Variants in FRK observed in about 807,000 individuals in gnomAD.
The protein encoded by FRK is fyn related Src family tyrosine kinase, also known as tyrosine-protein kinase FRK.
A neutral mutation model predicts 56.4 loss-of-function variants in FRK; 51 were observed. That is an observed-to-expected ratio of 0.90 (90% CI 0.72 to 1.14). The LOEUF is 1.14. Ranked by LOEUF, FRK falls within the 50% of genes most tolerant of loss-of-function variation. FRK has a pLI of 0.00. For synonymous variants in FRK, 245 were observed against 217.9 expected, an observed-to-expected ratio of 1.12 and a Z score of -1.10; for missense variants, 570 against 601.4, an observed-to-expected ratio of 0.95 and a Z score of 0.55.
the FRK span, among the ~76,000 whole-genome samples, chr6:116,096,137 C>G: frequency 6.6e-6 from 1 of 152,206 alleles, no homozygotes; most frequent in Non-Finnish European, 1.5e-5. Context: ...CAACTAACAA[C>G]TTCTACCGAG....
chr6:116,098,213 G>T, the FRK span, among the ~76,000 whole-genome samples: 2 of 146,900 alleles, frequency 1.4e-5, no homozygotes, highest in Admixed American at 1.4e-4. Context: ...CCAGGTTCAA[G>T]CGATCCTCCC....
At chr6:116,003,825 A>G (rs1312121221) in intron 2 of FRK, 52 bp downstream of exon 2, 2 of 1,593,974 alleles carry the variant, frequency 1.3e-6, no homozygotes, top group African/African-American at 2.7e-5. Context: ...CAGAAAGCTC[A>G]TGACTGCAGA....
the FRK span, among the ~76,000 whole-genome samples, chr6:116,097,081 G>C: frequency 6.6e-6 from 1 of 152,054 alleles, no homozygotes; most frequent in Non-Finnish European, 1.5e-5. Context: ...AGAAAATCAA[G>C]AGAGTAGAAA....
At chr6:115,986,624 C>G (rs1582682513) in intron 2 of FRK, among the ~76,000 whole-genome samples, 1 of 152,136 alleles carries the variant, frequency 6.6e-6, no homozygotes, top group East Asian at 1.9e-4. Flanking sequence ...AAGAGGTGAT[C>G]TCTTCAGTTC....
chr6:116,038,102 A>C (rs1776556758), intron 1 of FRK, among the ~76,000 whole-genome samples: 1 of 152,234 alleles, frequency 6.6e-6, no homozygotes, highest in Non-Finnish European at 1.5e-5. Context: ...CATGAGAGCC[A>C]CAGAAGCAAA....
intron 1 of FRK, among the ~76,000 whole-genome samples, chr6:116,047,556 T>C (rs1242090546): frequency 0.016 from 3 of 184 alleles, no homozygotes; most frequent in Non-Finnish European, 0.037. Flanking sequence ...TAATCCAGCT[T>C]CCGGATTCAA....
chr6:115,990,094 G>C (rs1253297336), intron 2 of FRK, among the ~76,000 whole-genome samples: 1 of 151,828 alleles, frequency 6.6e-6, no homozygotes, highest in East Asian at 1.9e-4. Context: ...AGGAATGTCT[G>C]TTCCTGTCCT....
At chr6:115,943,225 T>G (rs1225158089) in intron 6 of FRK, 40 bp from the exon 7 acceptor site, 4 of 1,042,140 alleles carry the variant, frequency 3.8e-6, no homozygotes, top group East Asian at 6.8e-5. Context: ...TTAAAGCAAT[T>G]TTTTTTTTTT....
the FRK span, among the ~76,000 whole-genome samples, chr6:116,068,208 G>A: frequency 6.6e-6 from 1 of 152,256 alleles, no homozygotes; most frequent in South Asian, 2.1e-4. Flanking sequence ...TCATGATGAT[G>A]ATGAAAAGAT....
intron 4 of FRK, among the ~76,000 whole-genome samples, chr6:115,957,386 T>C (rs1773043318): frequency 6.6e-6 from 1 of 152,236 alleles, no homozygotes; most frequent in Admixed American, 6.5e-5. Flanking sequence ...AGGAAGATTA[T>C]CTGGAGTTTA....
At chr6:115,996,228 A>G (rs919236231) in intron 2 of FRK, among the ~76,000 whole-genome samples, 3 of 152,150 alleles carry the variant, frequency 2.0e-5, no homozygotes, top group African/African-American at 7.2e-5. Flanking sequence ...TGGTAATACA[A>G]TTACTGACAA....
At chr6:115,977,506 T>G (rs1257306298) in intron 2 of FRK, among the ~76,000 whole-genome samples, 1 of 152,178 alleles carries the variant, frequency 6.6e-6, no homozygotes, top group Non-Finnish European at 1.5e-5. Flanking sequence ...GTAGACTGAA[T>G]TAGATCATGA....
chr6:115,944,148 A>T (rs1300109048), intron 6 of FRK, 96 bp downstream of exon 6: 3 of 1,024,830 alleles, frequency 2.9e-6, no homozygotes, highest in Non-Finnish European at 4.2e-6. Context: ...AACTTGGAGA[A>T]ACATTGTTTT....
At chr6:116,087,811 C>G in the FRK span, among the ~76,000 whole-genome samples, 3 of 152,204 alleles carry the variant, frequency 2.0e-5, no homozygotes, top group Admixed American at 2.0e-4. Flanking sequence ...ATCCCCTTAG[C>G]CCACTTTTGA....
At chr6:116,070,780 C>T in the FRK span, among the ~76,000 whole-genome samples, 1 of 152,058 alleles carries the variant, frequency 6.6e-6, no homozygotes, top group South Asian at 2.1e-4. Context: ...ACAAAGAAAA[C>T]AATTCTTATG....
chr6:115,967,229 G>A (rs1391779824), intron 4 of FRK, among the ~76,000 whole-genome samples: 1 of 152,046 alleles, frequency 6.6e-6, no homozygotes, highest in East Asian at 1.9e-4. Context: ...AATATTTTCA[G>A]CTAAGTCAAT....
intron 2 of FRK, among the ~76,000 whole-genome samples, chr6:115,981,671 G>A (rs1451786864): frequency 6.6e-6 from 1 of 151,954 alleles, no homozygotes; most frequent in Non-Finnish European, 1.5e-5. Context: ...GTTGAACAGG[G>A]TAAACATGAA....
the FRK span, among the ~76,000 whole-genome samples, chr6:116,071,570 A>G: frequency 1.3e-5 from 2 of 152,146 alleles, no homozygotes; most frequent in Non-Finnish European, 2.9e-5. Context: ...GATGACAAAA[A>G]CACTTATCAG....
At chr6:116,093,363 A>G in the FRK span, among the ~76,000 whole-genome samples, 1 of 152,224 alleles carries the variant, frequency 6.6e-6, no homozygotes. Context: ...AAAGCAGATC[A>G]AGGTAGACCT....
Sources: gnomAD v4.1 joint callset for allele counts (sites outside exome capture counted in the v4.1 genomes callset) on GRCh38, gnomAD v4.1.1 for gene constraint, MANE v1.5 for transcripts, NCBI Gene and HGNC (gene_info 2026-07-23, HGNC 2026-07-21) for gene names.